Variants in WDFY4 observed in about 807,000 individuals in gnomAD.
WDFY4 encodes the protein WD repeat- and FYVE domain-containing protein 4.
Under a neutral mutation model 351.9 loss-of-function variants are expected in WDFY4, and 169 were observed. The ratio of observed to expected loss-of-function variants is 0.48; its 90% confidence interval spans 0.42 to 0.55. The LOEUF is 0.55. WDFY4 is among the 20% of genes least tolerant of loss of function. The pLI, the probability that WDFY4 is intolerant of heterozygous loss-of-function variation, is 0.00. For synonymous variants in WDFY4, 1,622 were observed against 1,574.6 expected (o/e 1.03, Z -0.71); for missense variants, 3,803 against 3,935.6 (o/e 0.97, Z 0.90).
chr10:48,686,223 G>A (rs922521323), intron 1 of WDFY4, among the ~76,000 whole-genome samples: 3 of 149,722 alleles, frequency 2.0e-5, no homozygotes, highest in Non-Finnish European at 4.4e-5. Flanking sequence ...GTTCACGCCT[G>A]TAATCTCAGC....
In WDFY4 at chr10:48,684,924, C is replaced by T. The variant is rs2377608; in HGVS notation, c.-95C>T. On this transcript the variant is annotated 5_prime_UTR_variant, in exon 1 of 62. The change creates a premature stop within an existing upstream ORF in the 5' untranslated region. Coordinates refer to ENST00000325239, the MANE Select transcript of WDFY4 (RefSeq NM_001394531.1). ...GATGTGGGGCCGGGTCCTCTTCCCCCGAGCCTGAGGGGCTGCAGCTGGGGA... is the reference window on the plus strand; with the variant it reads ...GATGTGGGGCCGGGTCCTCTTCCCCTGAGCCTGAGGGGCTGCAGCTGGGGA... 54,646 of 152,380 alleles carry T rather than the reference C, an allele frequency of 0.36. 10,031 individuals are homozygous for T. The highest frequency in any genetic ancestry group is 0.43 in the Middle Eastern group (127 of 294). The allele number at this position is 152,380 out of a possible 1,614,324, so 9.4% of individuals were successfully genotyped here. A position where few individuals can be genotyped will look rare whatever the true frequency, so the allele number is the denominator to read the frequency against.
At chr10:48,809,694 T>G (rs1200315305) in intron 28 of WDFY4, among the ~76,000 whole-genome samples, 4 of 152,196 alleles carry the variant, frequency 2.6e-5, no homozygotes, top group Non-Finnish European at 4.4e-5. Flanking sequence ...ATCACCATCA[T>G]TATCAACATA....
intron 47 of WDFY4, among the ~76,000 whole-genome samples, chr10:48,930,435 C>G (rs552428695): frequency 1.8e-4 from 28 of 152,306 alleles, no homozygotes; most frequent in African/African-American, 6.5e-4. Context: ...ACCATGAGAA[C>G]AAGTGCACTA....
intron 1 of WDFY4, among the ~76,000 whole-genome samples, chr10:48,698,332 C>T (rs571520738): frequency 1.3e-4 from 20 of 152,218 alleles, no homozygotes; most frequent in Non-Finnish European, 2.6e-4. Context: ...TGTTCCCAAG[C>T]GTGCCAGGGC....
At chr10:48,780,446 A>G (rs2066182232) in intron 19 of WDFY4, among the ~76,000 whole-genome samples, 1 of 152,140 alleles carries the variant, frequency 6.6e-6, no homozygotes. Flanking sequence ...TGAGGGGCAA[A>G]CTCCTCAGGG....
At chr10:48,956,873 G>A (rs1171917347) in intron 51 of WDFY4, among the ~76,000 whole-genome samples, 2 of 152,210 alleles carry the variant, frequency 1.3e-5, no homozygotes, top group African/African-American at 4.8e-5. Context: ...TTCCATAGGA[G>A]GGAAACATGG....
intron 28 of WDFY4, among the ~76,000 whole-genome samples, chr10:48,808,648 A>C (rs2067337189): frequency 6.6e-6 from 1 of 152,224 alleles, no homozygotes; most frequent in Admixed American, 6.5e-5. Context: ...GTTACCCCTC[A>C]GTAAAGCAGC....
At chr10:48,700,628 C>T (rs769218677) in intron 1 of WDFY4, among the ~76,000 whole-genome samples, 1 of 152,224 alleles carries the variant, frequency 6.6e-6, no homozygotes, top group Non-Finnish European at 1.5e-5. Context: ...GTGAGCACGC[C>T]CAGGGATGCT....
intron 43 of WDFY4, among the ~76,000 whole-genome samples, chr10:48,887,617 A>C (rs1484710838): frequency 2.6e-5 from 4 of 152,052 alleles, no homozygotes; most frequent in Admixed American, 2.6e-4. Flanking sequence ...TCTTTACTAA[A>C]AAATACAAAA....
Position 48,742,999 on chromosome 10 carries a change from G to A in WDFY4, c.1910G>A (p.Gly637Asp). ...CTCCGGATCCTGGTGACCCCCAAGG[G>A]TCGTGCTGCCTTCAGAGTCTCCAGC... is the stretch of plus-strand genomic sequence containing the variant. ...SLLRILVTPK[G>D]RAAFRVSSGF... Residue 637 changes from glycine to aspartate, a missense_variant, in exon 12 of 62, where the codon GGT becomes GAT. Around this residue, in one of 3 missense-constraint regions of WDFY4, gnomAD observed 261 missense variants for 330.2 expected, o/e 0.79. Transcript: ENST00000325239. 6.4e-7 allele frequency: 1 copy of A among 1,550,504 alleles called. No homozygotes were observed. Among genetic ancestry groups the A allele is most frequent in the Non-Finnish European group, 8.7e-7 (1 of 1,146,818 alleles).
intron 55 of WDFY4, 30 bp downstream of exon 55, chr10:48,966,703 T>C (rs1296441489): frequency 6.5e-7 from 1 of 1,547,206 alleles, no homozygotes; most frequent in Non-Finnish European, 8.7e-7. Context: ...TTGTTTGGTG[T>C]CCTGTCCCAG....
intron 47 of WDFY4, among the ~76,000 whole-genome samples, chr10:48,910,442 T>C (rs1399420547): frequency 6.6e-6 from 1 of 152,166 alleles, no homozygotes; most frequent in Non-Finnish European, 1.5e-5. Flanking sequence ...TATGAAGTAT[T>C]TTTATGCTTA....
chr10:48,945,509 A>G (rs1417888440), intron 49 of WDFY4, among the ~76,000 whole-genome samples: 1 of 152,194 alleles, frequency 6.6e-6, no homozygotes, highest in East Asian at 1.9e-4. Flanking sequence ...TGGCCCTGAA[A>G]CTGGTCCTGT....
intron 38 of WDFY4, among the ~76,000 whole-genome samples, chr10:48,832,345 G>T (rs2068218153): frequency 6.6e-6 from 1 of 152,238 alleles, no homozygotes; most frequent in Non-Finnish European, 1.5e-5. Flanking sequence ...AACAAGCCGT[G>T]GAGCTAGGAG....
At chr10:48,776,679 G>A (rs2066041663) in intron 15 of WDFY4, 71 bp from the exon 16 acceptor site, 1 of 1,346,988 alleles carries the variant, frequency 7.4e-7, no homozygotes, top group African/African-American at 1.5e-5. Context: ...AGATACTTTG[G>A]GGTTATTGTC....
chr10:48,827,546 A>C (rs1398346347), intron 36 of WDFY4, among the ~76,000 whole-genome samples: 1 of 147,674 alleles, frequency 6.8e-6, no homozygotes, highest in East Asian at 2.1e-4. Context: ...GTCAGTGTGC[A>C]TGAACCACAT....
intron 10 of WDFY4, among the ~76,000 whole-genome samples, chr10:48,734,351 A>T (rs2064570941): frequency 1.3e-5 from 2 of 151,386 alleles, no homozygotes; most frequent in Non-Finnish European, 2.9e-5. Flanking sequence ...ATGCTTTTTA[A>T]TTTTTTTTTA....
intron 55 of WDFY4, chr10:48,968,456 G>A (rs541557480): frequency 6.5e-6 from 1 of 152,974 alleles, no homozygotes; most frequent in South Asian, 2.1e-4. Context: ...CTCCTGGGTG[G>A]TAGGGTCAGG....
intron 35 of WDFY4, 122 bp from the exon 36 acceptor site, chr10:48,826,549 T>A (rs2068017927): frequency 1.5e-6 from 1 of 682,486 alleles, no homozygotes; most frequent in East Asian, 2.7e-5. Context: ...ATCTATAAAT[T>A]ACTTTGGGCG....
Sources: gnomAD v4.1 joint callset for allele counts (sites outside exome capture counted in the v4.1 genomes callset) on GRCh38, gnomAD v4.1.1 for gene constraint, gnomAD v4.1.1 regional missense constraint, MANE v1.5 for transcripts, NCBI Gene and HGNC (gene_info 2026-07-23, HGNC 2026-07-21) for gene names.